The following RANBP17 variants were observed in gnomAD, a reference collection of about 807,000 sequenced individuals.
The protein encoded by RANBP17 is ran-binding protein 17.
RANBP17 carries 158 observed loss-of-function variants against 141.2 expected under a neutral mutation model. The observed-to-expected ratio is 1.12, with a 90% CI of 0.98 to 1.28. The LOEUF (loss-of-function observed/expected upper bound fraction) is 1.28, where lower values mean the gene tolerates loss of function less well. RANBP17 is among the 50% of genes most tolerant of loss of function. The pLI is 0.00. For missense variants in RANBP17, 1,438 were observed against 1,290.7 expected, an observed-to-expected ratio of 1.11 and a Z score of -1.75; for synonymous variants, 430 against 450.0, an observed-to-expected ratio of 0.96 and a Z score of 0.56.
chr5:170,964,452 T>A (rs1355476354), intron 13 of RANBP17, among the ~76,000 whole-genome samples: 1 of 152,150 alleles, frequency 6.6e-6, no homozygotes, highest in Non-Finnish European at 1.5e-5. Flanking sequence ...AATGTGCAGG[T>A]TAGTTACATA....
intron 12 of RANBP17, among the ~76,000 whole-genome samples, chr5:170,944,221 A>G (rs990585641): frequency 2.0e-5 from 3 of 152,244 alleles, no homozygotes; most frequent in Admixed American, 2.0e-4. Context: ...TTTATGAGAA[A>G]TACTGTTTCT....
intron 14 of RANBP17, among the ~76,000 whole-genome samples, chr5:171,140,132 C>T (rs558291596): frequency 6.6e-6 from 1 of 152,148 alleles, no homozygotes. Context: ...TCATGGAAGC[C>T]CTCCCTGATC....
chr5:171,064,711 G>A (rs1436678450), intron 14 of RANBP17, among the ~76,000 whole-genome samples: 2 of 151,918 alleles, frequency 1.3e-5, no homozygotes, highest in African/African-American at 4.8e-5. Flanking sequence ...CATAGACATG[G>A]GGTTTCTCCA....
chr5:171,096,900 A>G (rs955806957), intron 14 of RANBP17, among the ~76,000 whole-genome samples: 1 of 152,178 alleles, frequency 6.6e-6, no homozygotes, highest in African/African-American at 2.4e-5. Context: ...AATTGTAAGT[A>G]TATGGTAGAA....
At chr5:171,125,463 G>A (rs546046749) in intron 14 of RANBP17, among the ~76,000 whole-genome samples, 37 of 149,996 alleles carry the variant, frequency 2.5e-4, no homozygotes, top group African/African-American at 6.8e-4. Flanking sequence ...TGCAACAAAA[G>A]GATATAATAG....
rs934551769 is a variant in RANBP17 at position 171,067,618 on chromosome 5, T to C, written c.1710+99241T>C. On this transcript the variant is annotated intron_variant, in intron 14 of 27. Coordinates refer to ENST00000523189, the MANE Select transcript of RANBP17 (RefSeq NM_022897.5). The stretch of plus-strand genomic sequence containing the variant: ...AAAAATTTTTTTAAATCTAGGAACG[T>C]CTTAATTTTTCCTTTATTTTTGAAG... 5.3e-5 allele frequency among the ~76,000 whole-genome samples: 8 copies of C among 152,000 alleles called. No individual in the cohort carries two copies. The East Asian group carries it at 1.5e-3, about 29-fold the overall frequency.
intron 11 of RANBP17, 22 bp from the exon 12 acceptor site, chr5:170,924,329 TGTCTGC>T: frequency 6.8e-7 from 1 of 1,471,608 alleles, no homozygotes; most frequent in Non-Finnish European, 9.3e-7. Context: ...ATTCTAATGT[TGTCTGC>T]AAACTTATTC....
At position 170,918,873 on chromosome 5, in the gene RANBP17, T is replaced by C. The variant is rs1440625898; in HGVS notation, c.1101+14T>C. Reference sequence around the variant, plus strand: ...ACTAGCCTACAGGTAGGTAAAAATATGTAATTATGTTAAACTGTAGCCAGT... The same window carrying C: ...ACTAGCCTACAGGTAGGTAAAAATACGTAATTATGTTAAACTGTAGCCAGT... On this transcript the variant is annotated intron_variant, in intron 10 of 27. Coordinates refer to ENST00000523189, the MANE Select transcript of RANBP17 (RefSeq NM_022897.5). The C allele has an allele frequency of 2.0e-6, 3 of 1,529,664 alleles. No individual in the cohort carries two copies. Among genetic ancestry groups the C allele is most frequent in the African/African-American group, 2.8e-5 (2 of 71,486 alleles). 94.8% of individuals were successfully genotyped at this position (1,529,664 alleles called of 1,614,324 possible). A position where few individuals can be genotyped will look rare whatever the true frequency, so the allele number is the denominator to read the frequency against.
intron 14 of RANBP17, among the ~76,000 whole-genome samples, chr5:171,090,849 A>G (rs1429887202): frequency 6.6e-6 from 1 of 152,210 alleles, no homozygotes; most frequent in Non-Finnish European, 1.5e-5. Flanking sequence ...GGTGCACAGA[A>G]GTCAAGAATT....
chr5:171,192,944 G>A (rs569395406), intron 18 of RANBP17, among the ~76,000 whole-genome samples: 10 of 152,270 alleles, frequency 6.6e-5, no homozygotes, highest in Non-Finnish European at 1.3e-4. Context: ...CAAGTTTCAG[G>A]GGCCAGTTAA....
At chr5:171,218,855 A>G (rs111457691) in intron 21 of RANBP17, among the ~76,000 whole-genome samples, 9 of 151,898 alleles carry the variant, frequency 5.9e-5, no homozygotes, top group East Asian at 1.9e-4. Flanking sequence ...TCTTTATCCA[A>G]GTTGCCTTCT....
intron 22 of RANBP17, among the ~76,000 whole-genome samples, chr5:171,224,582 C>A (rs2127984455): frequency 6.6e-6 from 1 of 152,100 alleles, no homozygotes; most frequent in South Asian, 2.1e-4. Flanking sequence ...AAAGGCATTG[C>A]AGCAAAAGTT....
At chr5:170,871,687 A>G (rs1014964998) in intron 1 of RANBP17, among the ~76,000 whole-genome samples, 2 of 152,148 alleles carry the variant, frequency 1.3e-5, no homozygotes, top group Non-Finnish European at 2.9e-5. Context: ...TCTTGAGTTA[A>G]TTTTTGTATA....
At chr5:170,952,246 T>TA (rs1171367465) in intron 12 of RANBP17, among the ~76,000 whole-genome samples, 1 of 152,046 alleles carries the variant, frequency 6.6e-6, no homozygotes, top group Non-Finnish European at 1.5e-5. Flanking sequence ...TTTGATCTGT[T>TA]ACGTTTTTCA....
chr5:171,256,125 C>T (rs188386200), intron 24 of RANBP17, among the ~76,000 whole-genome samples: 1 of 152,138 alleles, frequency 6.6e-6, no homozygotes, highest in Non-Finnish European at 1.5e-5. Flanking sequence ...TTGATACTTT[C>T]TTTAAAAACA....
chr5:171,160,190 C>T (rs2127854282), intron 14 of RANBP17, among the ~76,000 whole-genome samples: 1 of 152,110 alleles, frequency 6.6e-6, no homozygotes, highest in African/African-American at 2.4e-5. Flanking sequence ...CTGTTTTTCT[C>T]CTGACTTTTT....
rs781652626 is a variant in RANBP17, at chr5:170,909,684, A to AAAACACAGG, written c.517_525dup (p.His173_Lys175dup). 63 of 1,589,298 alleles carry AAAACACAGG rather than the reference A, an allele frequency of 4.0e-5. No individual in the cohort carries two copies. The highest frequency in any genetic ancestry group is 4.5e-5 in the Non-Finnish European group (52 of 1,161,384). On this transcript the variant is annotated inframe_insertion, in exon 6 of 28. Coordinates refer to ENST00000523189, the MANE Select transcript of RANBP17 (RefSeq NM_022897.5). ...AGGTTGATTATTCTAGACCTTCAGC[A>AAAACACAGG]AAACACAGGAAAATAGCTACCTCAT...
intron 14 of RANBP17, among the ~76,000 whole-genome samples, chr5:171,072,970 T>C (rs544104738): frequency 5.9e-5 from 9 of 152,166 alleles, no homozygotes; most frequent in African/African-American, 2.2e-4. Flanking sequence ...TAAAAGGCAG[T>C]GTATAGTATT....
intron 14 of RANBP17, among the ~76,000 whole-genome samples, chr5:170,975,060 G>T (rs2127540409): frequency 6.6e-6 from 1 of 152,218 alleles, no homozygotes; most frequent in South Asian, 2.1e-4. Context: ...CACACCTTTT[G>T]TGTTCTCTCC....
Sources: allele counts gnomAD v4.1 joint callset (sites outside exome capture counted in the v4.1 genomes callset), GRCh38; gene constraint gnomAD v4.1.1; transcripts MANE v1.5; gene names NCBI Gene and HGNC (gene_info 2026-07-23, HGNC 2026-07-21).